PARP14: variants seen among roughly 807,000 people sequenced by gnomAD.
PARP14 encodes the protein protein mono-ADP-ribosyltransferase PARP14.
A neutral mutation model predicts 154.2 loss-of-function variants in PARP14; 59 were observed. The ratio of observed to expected loss-of-function variants is 0.38; its 90% CI spans 0.31 to 0.48. The LOEUF is 0.48. Ranked by LOEUF, PARP14 falls within the 20% of genes least tolerant of loss-of-function variation. The pLI, the probability that PARP14 is intolerant of heterozygous loss-of-function variation, is 0.98. For synonymous variants in PARP14, 720 were observed against 780.5 expected, an observed-to-expected ratio of 0.92 and a Z score of 1.29; for missense variants, 1,734 against 2,131.6, an observed-to-expected ratio of 0.81 and a Z score of 3.67.
Position 122,728,689 on chromosome 3 carries a change from A to ATTG in PARP14, c.*92_*93insTTG. ...GCTTTTTTTTTTAATTCCTCTTAAC[A>ATTG]GATTTTTCTAATATCCAAGGATCAT... is the stretch of plus-strand genomic sequence containing the variant. On this transcript the variant is annotated 3_prime_UTR_variant, in exon 17 of 17. Coordinates refer to ENST00000474629, the MANE Select transcript of PARP14 (RefSeq NM_017554.3). 1.1e-6 allele frequency: 1 copy of ATTG among 943,674 alleles called. No individual in the cohort carries two copies. The highest frequency in any genetic ancestry group is 1.6e-6 in the Non-Finnish European group (1 of 618,396). The allele number at this position is 943,674 out of a possible 1,614,324, so 58.5% of individuals were successfully genotyped here.
At chr3:122,684,994 T>G (rs1279093957) in intron 1 of PARP14, among the ~76,000 whole-genome samples, 191 bp from the exon 2 acceptor site, 1 of 152,206 alleles carries the variant, frequency 6.6e-6, no homozygotes, top group Non-Finnish European at 1.5e-5. Context: ...TATTAAAAAG[T>G]CAGTTTAAGG....
chr3:122,696,863 C>T (rs1938794694), intron 5 of PARP14, among the ~76,000 whole-genome samples: 2 of 152,186 alleles, frequency 1.3e-5, no homozygotes, highest in East Asian at 1.9e-4. Flanking sequence ...CACACCTCCT[C>T]CTCCAAACTC....
chr3:122,724,342 C>T (rs1434747045), intron 15 of PARP14, among the ~76,000 whole-genome samples: 1 of 151,314 alleles, frequency 6.6e-6, no homozygotes, highest in Non-Finnish European at 1.5e-5. Flanking sequence ...TCTGTCATTC[C>T]AGCTGGAGTG....
intron 15 of PARP14, chr3:122,720,824 G>A (rs1429769391): frequency 2.2e-6 from 1 of 456,788 alleles, no homozygotes; most frequent in South Asian, 1.5e-5. Flanking sequence ...ATTATTTTGG[G>A]CAGGTGAATG....
intron 8 of PARP14, among the ~76,000 whole-genome samples, chr3:122,705,533 C>T (rs1939128053): frequency 6.6e-6 from 1 of 152,200 alleles, no homozygotes. Context: ...CAGCTCACAT[C>T]AGCTGTGGGA....
At chr3:122,688,085 A>AT (rs34597099) in intron 3 of PARP14, among the ~76,000 whole-genome samples, 19,974 of 147,930 alleles carry the variant, frequency 0.14, 1,357 homozygotes, top group Admixed American at 0.16. Flanking sequence ...ATGAAATAGG[A>AT]TTTTTTTTTT....
In PARP14 at chr3:122,700,531, A is replaced by G; in HGVS notation, c.1977A>G (p.Lys659=). The change falls in exon 6 of 17, where the codon AAA becomes AAG. Residue 659 remains lysine (K), a synonymous_variant. Transcript: ENST00000474629. Reference sequence around the variant, plus strand: ...TAAAAGAAGTAAATGAAACCTATAAATTGCTTTTTAACTTCGTTGAACAAA... The same window carrying G: ...TAAAAGAAGTAAATGAAACCTATAAGTTGCTTTTTAACTTCGTTGAACAAA... ...GCVKEVNETY[K]LLFNFVEQNM... The G allele has an allele frequency of 1.2e-6, 2 of 1,600,944 alleles. No homozygotes were observed.
Position 122,718,080 on chromosome 3 carries a change from A to G in PARP14, c.4010A>G (p.Lys1337Arg), listed in dbSNP as rs373395401. The change falls in exon 13 of 17, where the codon AAA becomes AGA. Residue 1337 changes from lysine (K) to arginine (R), a missense_variant. Around this residue, in one of 2 missense-constraint regions of PARP14, gnomAD observed 1,646 missense variants for 1,976.0 expected, o/e 0.83. Coordinates refer to ENST00000474629, the MANE Select transcript of PARP14 (RefSeq NM_017554.3). ...TTATTTGCTTTTCCAGGAAATGCCA[A>G]ACAACACCCAGATAAGGTTGCTGAA... Reference protein sequence around the residue: ...CLPAIGTGNAKQHPDKVAEAI... With the variant: ...CLPAIGTGNARQHPDKVAEAI... 12 of 1,613,584 alleles carry G rather than the reference A, an allele frequency of 7.4e-6. No individual in the cohort carries two copies. The highest frequency in any genetic ancestry group is 1.7e-5 in the Admixed American group (1 of 59,972).
In PARP14 at chr3:122,720,239, A is replaced by G; in HGVS notation, c.4808-16A>G. Reference sequence around the variant, plus strand: ...CCGGGGATGTATGAGGGCATCCTCAAATGTCTCCTTTGCAGTTGACATCCC... The same window carrying G: ...CCGGGGATGTATGAGGGCATCCTCAGATGTCTCCTTTGCAGTTGACATCCC... On this transcript the variant is annotated splice_polypyrimidine_tract_variant and intron_variant, in intron 14 of 16. Transcript: ENST00000474629. 1 of 1,611,332 alleles carries G rather than the reference A, an allele frequency of 6.2e-7. No homozygotes were observed.
rs1938188254 is a variant in PARP14, at chr3:122,681,057, C to T, written c.174C>T (p.Phe58=). 4.3e-6 allele frequency: 7 copies of T among 1,612,916 alleles called. No individual in the cohort carries two copies. The highest frequency in any genetic ancestry group is 5.9e-6 in the Non-Finnish European group (7 of 1,178,980). ...GCCCATCCCGCTTCCTGGTGTTCTT[C>T]TACCCGGAGGACGGTGAGGGGCGCG... The part of the protein sequence containing the change: ...PRSPSRFLVF[F]YPEDVRQKVL... Residue 58 remains phenylalanine, a synonymous_variant, in exon 1 of 17, where the codon TTC becomes TTT. Transcript: ENST00000474629. The surrounding 1 kb of genome is among the most constrained non-coding windows in gnomAD (Gnocchi z 5.5).
chr3:122,692,822 C>A (rs1476601216), intron 4 of PARP14, among the ~76,000 whole-genome samples: 3 of 151,968 alleles, frequency 2.0e-5, no homozygotes, highest in East Asian at 1.9e-4. Flanking sequence ...TAAGAAAGTG[C>A]GTGAACACAG....
At chr3:122,713,258 T>G (rs777373086) in intron 9 of PARP14, among the ~76,000 whole-genome samples, 166 bp from the exon 10 acceptor site, 28 of 152,150 alleles carry the variant, frequency 1.8e-4, no homozygotes, top group Non-Finnish European at 3.8e-4. Flanking sequence ...TCTTTTTTCT[T>G]AAACAGATCA....
At position 122,701,381 on chromosome 3, in the gene PARP14, G is replaced by C; in HGVS notation, c.2827G>C (p.Glu943Gln). ...GGAGACCATTGTTTCTGCCATCAAG[G>C]AAAACTTCCAATTCAAGAAGGATGG... ...CVETIVSAIK[E>Q]NFQFKKDGHC... The change falls in exon 6 of 17, where the codon GAA becomes CAA. Residue 943 changes from glutamate (E) to glutamine (Q), a missense_variant. Glu to Gln is a conservative substitution (Grantham distance 29). This residue lies in a region of PARP14 where 1,646 missense variants were observed against 1,976.0 expected (regional missense o/e 0.83). Transcript: ENST00000474629. This position sits in a 1 kb window ranked among gnomAD's most constrained non-coding sequence, Gnocchi z 4.0. The C allele has an allele frequency of 6.2e-7, 1 of 1,614,040 alleles. No individual in the cohort carries two copies. The highest frequency in any genetic ancestry group is 8.5e-7 in the Non-Finnish European group (1 of 1,179,878).
intron 8 of PARP14, among the ~76,000 whole-genome samples, chr3:122,706,342 A>T (rs1027101726): frequency 6.6e-6 from 1 of 152,216 alleles, no homozygotes; most frequent in African/African-American, 2.4e-5. Context: ...GCTTATCGAG[A>T]TGTTTATAGA....
At chr3:122,695,957 A>G (rs1938759550) in intron 5 of PARP14, among the ~76,000 whole-genome samples, 1 of 152,172 alleles carries the variant, frequency 6.6e-6, no homozygotes, top group South Asian at 2.1e-4. Flanking sequence ...TAAAAAGGAG[A>G]TGATCTGTGT....
In PARP14 at chr3:122,695,641, A is replaced by C; in HGVS notation, c.814A>C (p.Ile272Leu). 1 of 1,582,994 alleles carries C rather than the reference A, an allele frequency of 6.3e-7. No individual in the cohort carries two copies. Among genetic ancestry groups the C allele is most frequent in the Non-Finnish European group, 8.7e-7 (1 of 1,153,404 alleles). ...TTTTCCTGAAGAGAGTTCAGCTCTG[A>C]TTGAATTTTTTGACAGAAAAGGTAA... The part of the protein sequence containing the change: ...EYFPEESSAL[I>L]EFFDRKVLDT... The change falls in exon 5 of 17, where the codon ATT becomes CTT. Residue 272 changes from isoleucine (I) to leucine (L), a missense_variant. By Grantham distance (5) the Ile-to-Leu change is conservative (BLOSUM62 2). Around this residue, in one of 2 missense-constraint regions of PARP14, gnomAD observed 1,646 missense variants for 1,976.0 expected, o/e 0.83. Transcript: ENST00000474629.
At chr3:122,721,148 C>T (rs1181616616) in intron 15 of PARP14, 5 of 320,892 alleles carry the variant, frequency 1.6e-5, no homozygotes, top group African/African-American at 4.5e-5. Flanking sequence ...TATGCTTAAA[C>T]GGTCTTTTGT....
rs774132182 is a variant in PARP14, at chr3:122,720,262, C to T, written c.4815C>T (p.Ile1605=). 65 of 1,612,910 alleles carry T rather than the reference C, an allele frequency of 4.0e-5. No homozygotes were observed. Among genetic ancestry groups the T allele is most frequent in the Non-Finnish European group, 5.0e-5 (59 of 1,179,466 alleles). The change falls in exon 15 of 17, where the codon ATC becomes ATT. Residue 1605 remains isoleucine, a synonymous_variant. Transcript: ENST00000474629. ...CAAATGTCTCCTTTGCAGTTGACAT[C>T]CCTGCACACTGGAGTGATATGAAGC... ...VQRLTKSKVD[I]PAHWSDMKQQ...
At chr3:122,712,973 G>A (rs1939371201) in intron 9 of PARP14, among the ~76,000 whole-genome samples, 1 of 152,178 alleles carries the variant, frequency 6.6e-6, no homozygotes, top group African/African-American at 2.4e-5. Flanking sequence ...GTGAGACTAG[G>A]GCCACCCTTG....
Sources: gnomAD v4.1 joint callset for allele counts (sites outside exome capture counted in the v4.1 genomes callset) on GRCh38, gnomAD v4.1.1 for gene constraint, gnomAD v4.1.1 regional missense constraint, Gnocchi (gnomAD v3.1) non-coding constraint, MANE v1.5 for transcripts, NCBI Gene and HGNC (gene_info 2026-07-23, HGNC 2026-07-21) for gene names.